Variants in SLC2A9 observed in about 807,000 individuals in gnomAD.
The protein encoded by SLC2A9 is solute carrier family 2, facilitated glucose transporter member 9.
In SLC2A9, 39 loss-of-function variants were observed where a neutral mutation model predicts 50.6. That is an observed-to-expected ratio of 0.77 (90% CI 0.60 to 1.01). SLC2A9 has a LOEUF of 1.01. Among genes scored for constraint, SLC2A9 ranks in the 50% least tolerant of loss-of-function variants. The pLI, the probability that SLC2A9 is intolerant of heterozygous loss-of-function variation, is 0.00. For missense variants in SLC2A9, 686 were observed against 677.6 expected, an observed-to-expected ratio of 1.01 and a Z score of -0.14; for synonymous variants, 324 against 276.9, an observed-to-expected ratio of 1.17 and a Z score of -1.69.
intron 3 of SLC2A9, among the ~76,000 whole-genome samples, chr4:9,806,669 T>A (rs1424169519): frequency 6.6e-6 from 1 of 152,060 alleles, no homozygotes; most frequent in Non-Finnish European, 1.5e-5. Flanking sequence ...AAAGGCTGTG[T>A]GCATGGGGGG....
At chr4:9,813,696 A>C (rs1165614789) in intron 3 of SLC2A9, among the ~76,000 whole-genome samples, 1 of 152,212 alleles carries the variant, frequency 6.6e-6, no homozygotes, top group Non-Finnish European at 1.5e-5. Flanking sequence ...AAATCCATCA[A>C]TAAAAGTGAA....
At chr4:9,843,232 G>A (rs1438078345) in intron 10 of SLC2A9, among the ~76,000 whole-genome samples, 2 of 152,258 alleles carry the variant, frequency 1.3e-5, no homozygotes, top group South Asian at 4.2e-4. Context: ...AGGGATTTGG[G>A]GAAGATAACA....
intron 2 of SLC2A9, among the ~76,000 whole-genome samples, chr4:9,998,612 G>T (rs7696536): frequency 0.23 from 35,254 of 152,030 alleles, 4,679 homozygotes; most frequent in African/African-American, 0.35. Flanking sequence ...AATGGAAGAT[G>T]CCTGTAGCCT....
chr4:10,012,474 C>A (rs73805487), intron 2 of SLC2A9, among the ~76,000 whole-genome samples: 3,339 of 152,232 alleles, frequency 0.022, 68 homozygotes, highest in African/African-American at 0.058. Flanking sequence ...ACTGCAGAAG[C>A]AAGGACCTTT....
intron 1 of SLC2A9, among the ~76,000 whole-genome samples, chr4:9,772,824 T>A (rs200732895): frequency 0.076 from 4,568 of 60,260 alleles, 179 homozygotes; most frequent in African/African-American, 0.19. Flanking sequence ...TTTTTTTTTT[T>A]ATTTTTTTTT....
chr4:9,800,201 T>C (rs921747975), intron 3 of SLC2A9, among the ~76,000 whole-genome samples: 2 of 152,194 alleles, frequency 1.3e-5, no homozygotes, highest in African/African-American at 4.8e-5. Context: ...TTGAACTCAG[T>C]GCAGAACTGA....
At position 9,986,353 on chromosome 4, in the gene SLC2A9, C is replaced by T. The variant is rs566379053; in HGVS notation, c.411-560G>A. ...ATATGATTCTGGTTCTGGAAATGGA[C>T]AAAAGTTGGAAGCTGGAATCAACTG... On this transcript the variant is annotated intron_variant, in intron 3 of 11. Coordinates refer to ENST00000264784, the MANE Select transcript of SLC2A9 (RefSeq NM_020041.3). Among the ~76,000 whole-genome samples, 18 of 152,246 alleles carry T rather than the reference C, an allele frequency of 1.2e-4. No homozygotes were observed. The South Asian group carries it at 3.5e-3, about 30-fold the overall frequency.
intron 11 of SLC2A9, among the ~76,000 whole-genome samples, chr4:9,826,861 T>G (rs903400742): frequency 6.6e-6 from 1 of 152,172 alleles, no homozygotes; most frequent in Non-Finnish European, 1.5e-5. Flanking sequence ...AATTTGGCAT[T>G]TAAAAATTAA....
intron 6 of SLC2A9, among the ~76,000 whole-genome samples, chr4:9,933,475 C>A (rs183162855): frequency 2.0e-5 from 3 of 152,320 alleles, no homozygotes; most frequent in South Asian, 4.1e-4. Flanking sequence ...GCATCCAGTG[C>A]CTCTCTGAAA....
chr4:9,965,556 G>A (rs1426515812), intron 5 of SLC2A9, among the ~76,000 whole-genome samples: 2 of 152,138 alleles, frequency 1.3e-5, no homozygotes, highest in Non-Finnish European at 1.5e-5. Flanking sequence ...ACTATCATAT[G>A]TTCCCCAAAG....
At chr4:10,024,692 G>A (rs1763695387), upstream of SLC2A9, among the ~76,000 whole-genome samples, 2 of 152,172 alleles carry the variant, frequency 1.3e-5, no homozygotes, top group Non-Finnish European at 2.9e-5. Context: ...CTTCAGCCTG[G>A]CTCAGGGACA....
At position 9,834,837 on chromosome 4, in the gene SLC2A9, A is replaced by T. The variant is rs774299928; in HGVS notation, c.1419+44T>A. 1.9e-6 allele frequency: 3 copies of T among 1,613,874 alleles called. No individual in the cohort carries two copies. In the Admixed American group the frequency reaches 5.0e-5, roughly 27 times the overall value. On this transcript the variant is annotated intron_variant, in intron 11 of 11. Transcript: ENST00000264784. ...TGAATCACCCCTCAAGTGCTGCAGA[A>T]TCAAAGGGAACCCCATGGGCAAAAG...
chr4:9,783,585 GC>G, intron 3 of SLC2A9: 1 of 962,124 alleles, frequency 1.0e-6, no homozygotes, highest in South Asian at 1.8e-5. Context: ...CTGTGTAGTA[GC>G]TCGTGTGCTT....
intron 3 of SLC2A9, chr4:9,995,751 A>T (rs1301107141): frequency 1.3e-5 from 2 of 152,230 alleles, no homozygotes; most frequent in African/African-American, 4.8e-5. Flanking sequence ...AACTCTTGTA[A>T]CATTCCCTGC....
At chr4:9,783,097 C>T (rs747104610) in intron 3 of SLC2A9, 58 of 1,614,112 alleles carry the variant, frequency 3.6e-5, no homozygotes, top group South Asian at 3.2e-4. Context: ...CACTCAACCC[C>T]GTCATCTATG....
chr4:10,029,946 T>G (rs1389566993), intron 1 of SLC2A9, among the ~76,000 whole-genome samples: 1 of 152,114 alleles, frequency 6.6e-6, no homozygotes, highest in South Asian at 2.1e-4. Context: ...GAGATAAATT[T>G]TTTTTTTAAA....
chr4:9,817,521 A>G (rs1723769734), intron 3 of SLC2A9, among the ~76,000 whole-genome samples: 1 of 152,200 alleles, frequency 6.6e-6, no homozygotes, highest in South Asian at 2.1e-4. Context: ...ATAGAAGAGG[A>G]ATGTTTCATA....
intron 8 of SLC2A9, among the ~76,000 whole-genome samples, chr4:9,892,345 T>C (rs145680108): frequency 6.7e-6 from 1 of 149,704 alleles, no homozygotes; most frequent in Non-Finnish European, 1.5e-5. Flanking sequence ...GCCTGGCTGA[T>C]GACCACATGT....
intron 5 of SLC2A9, among the ~76,000 whole-genome samples, chr4:9,948,766 G>A (rs1334524902): frequency 6.6e-6 from 1 of 152,076 alleles, no homozygotes; most frequent in Admixed American, 6.5e-5. Flanking sequence ...CTGAATCCTG[G>A]TCCCATCTCT....
Sources: allele counts gnomAD v4.1 joint callset (sites outside exome capture counted in the v4.1 genomes callset), GRCh38; gene constraint gnomAD v4.1.1; transcripts MANE v1.5; gene names NCBI Gene and HGNC (gene_info 2026-07-23, HGNC 2026-07-21).